Variants in KDM4B observed in about 807,000 individuals in gnomAD.
KDM4B encodes the protein lysine demethylase 4B.
In KDM4B, 32 loss-of-function variants were observed where a neutral mutation model predicts 125.2. That is an observed-to-expected ratio of 0.26 (90% CI 0.19 to 0.34). KDM4B has a LOEUF of 0.34. KDM4B is among the 10% of genes least tolerant of loss of function. The pLI, the probability that KDM4B is intolerant of heterozygous loss-of-function variation, is 1.00. For missense variants in KDM4B, 1,190 were observed against 1,577.7 expected, an observed-to-expected ratio of 0.75 and a Z score of 4.16; for synonymous variants, 721 against 677.9, an observed-to-expected ratio of 1.06 and a Z score of -0.99.
At chr19:5,122,784 A>G (rs2039384196) in intron 11 of KDM4B, among the ~76,000 whole-genome samples, 1 of 152,244 alleles carries the variant, frequency 6.6e-6, no homozygotes, top group African/African-American at 2.4e-5. Context: ...TAATGAGCCC[A>G]GCCTGCTCTG....
chr19:5,151,340 G>T lies in KDM4B; in HGVS notation c.3120G>T (p.Leu1040=). ...LPKRVRSRLS[L]STGAPQEPAF... ...GTGCTTCCGCTCTCCCGCAGTCACT[G>T]AGCACGGGGGCACCGCAGGAGCCCG... is the stretch of plus-strand genomic sequence containing the variant. The change falls in exon 23 of 23, where the codon CTG becomes CTT. Residue 1040 remains leucine, a synonymous_variant. Transcript: ENST00000159111. 1 of 1,554,842 alleles carries T rather than the reference G, an allele frequency of 6.4e-7. No homozygotes were observed.
intron 9 of KDM4B, among the ~76,000 whole-genome samples, chr19:5,087,061 C>T (rs1373594553): frequency 6.6e-6 from 1 of 152,258 alleles, no homozygotes; most frequent in Non-Finnish European, 1.5e-5. Context: ...CTCCCGTCTT[C>T]TGCAGAGCAG....
intron 6 of KDM4B, among the ~76,000 whole-genome samples, chr19:5,064,600 T>C (rs2037710533): frequency 6.6e-6 from 1 of 152,020 alleles, no homozygotes. Flanking sequence ...GCTACACGAA[T>C]CTTAAAAAAA....
chr19:5,137,140 G>GC (rs1314258331), intron 15 of KDM4B, 122 bp from the exon 16 acceptor site: 17 of 671,726 alleles, frequency 2.5e-5, no homozygotes, highest in Non-Finnish European at 1.6e-5. Flanking sequence ...GCGTGCGGAG[G>GC]CCTCGTCACT....
chr19:5,072,594 TCC>T (rs2037982313), intron 7 of KDM4B, among the ~76,000 whole-genome samples: 1 of 152,188 alleles, frequency 6.6e-6, no homozygotes, highest in Non-Finnish European at 1.5e-5. Context: ...AAAGCATTTC[TCC>T]CATTGTATGT....
At chr19:5,034,711 C>T (rs567047547) in intron 3 of KDM4B, among the ~76,000 whole-genome samples, 52 of 152,330 alleles carry the variant, frequency 3.4e-4, no homozygotes, top group Non-Finnish European at 6.2e-4. Context: ...TAGCCTTCGT[C>T]TCTCTCCTAG....
rs1174322862 is a variant in KDM4B at position 5,114,402 on chromosome 19, A to G, written c.1115+3584A>G. Reference sequence around the variant, plus strand: ...CCCTGCGCCAGTGCAGGACACCGCCACGCCTCTGGCCCCGACTCCTGCCAG... The same window carrying G: ...CCCTGCGCCAGTGCAGGACACCGCCGCGCCTCTGGCCCCGACTCCTGCCAG... On this transcript the variant is annotated intron_variant, in intron 10 of 22. Coordinates refer to ENST00000159111, the MANE Select transcript of KDM4B (RefSeq NM_015015.3). The surrounding 1 kb of genome is among the most constrained non-coding windows in gnomAD (Gnocchi z 5.8). 1 of 478,548 alleles carries G rather than the reference A, an allele frequency of 2.1e-6. No individual in the cohort carries two copies. Among genetic ancestry groups the G allele is most frequent in the East Asian group, 7.0e-5 (1 of 14,270 alleles). 29.6% of individuals were successfully genotyped at this position (478,548 alleles called of 1,614,324 possible).
intron 7 of KDM4B, chr19:5,075,029 GGA>G (rs1181592498): frequency 6.6e-6 from 1 of 152,400 alleles, no homozygotes; most frequent in African/African-American, 2.4e-5. Context: ...GGCGCAGCCG[GGA>G]GAGAGCCGGC....
intron 3 of KDM4B, among the ~76,000 whole-genome samples, chr19:5,033,377 A>G (rs761555093): frequency 6.6e-6 from 1 of 152,096 alleles, no homozygotes; most frequent in East Asian, 1.9e-4. Context: ...GACGCCTTCC[A>G]GGGGTGTTCA....
intron 6 of KDM4B, among the ~76,000 whole-genome samples, chr19:5,060,590 T>TC (rs1187680392): frequency 6.6e-6 from 1 of 151,922 alleles, no homozygotes; most frequent in East Asian, 1.9e-4. Flanking sequence ...CGGCAAGGGG[T>TC]CCCCACTGAG....
At position 5,144,053 on chromosome 19, in the gene KDM4B, C is replaced by T. The variant is rs2039792933; in HGVS notation, c.2637C>T (p.His879=). The change falls in exon 19 of 23, where the codon CAC becomes CAT. Residue 879 remains histidine, a synonymous_variant. Transcript: ENST00000159111. ...CSYEHCSTSF[H]VTCAHAAGVL... is the part of the protein sequence containing the mutation. ...ACGAGCACTGCTCCACGTCCTTCCA[C>T]GTGACCTGCGCCCACGCCGCAGGCG... is the stretch of plus-strand genomic sequence containing the variant. The T allele has an allele frequency of 6.2e-7, 1 of 1,606,768 alleles. No homozygotes were observed. The highest frequency in any genetic ancestry group is 8.5e-7 in the Non-Finnish European group (1 of 1,174,794).
intron 6 of KDM4B, among the ~76,000 whole-genome samples, chr19:5,068,935 G>A (rs1218906707): frequency 6.6e-6 from 1 of 152,194 alleles, no homozygotes; most frequent in Non-Finnish European, 1.5e-5. Context: ...CTGGGGATAC[G>A]GCATTAATCA....
intron 6 of KDM4B, among the ~76,000 whole-genome samples, chr19:5,048,478 C>G (rs952759416): frequency 6.6e-6 from 1 of 152,156 alleles, no homozygotes; most frequent in South Asian, 2.1e-4. Flanking sequence ...TTCCCGGGGC[C>G]GCGCTCATGC....
At chr19:5,041,986 T>A (rs1163638568) in intron 5 of KDM4B, among the ~76,000 whole-genome samples, 1 of 152,218 alleles carries the variant, frequency 6.6e-6, no homozygotes, top group Non-Finnish European at 1.5e-5. Flanking sequence ...CGGAGGATTC[T>A]GTTCAGGCTG....
Position 5,131,363 on chromosome 19 carries a change from C to T in KDM4B, c.1603C>T (p.Pro535Ser), listed in dbSNP as rs1309220927. The change falls in exon 12 of 23, where the codon CCG becomes TCG. Residue 535 changes from proline to serine, a missense_variant. Coordinates refer to ENST00000159111, the MANE Select transcript of KDM4B (RefSeq NM_015015.3). ...CCCCATGCTGTACGTGGTGCCGCGG[C>T]CGGGCAAGGCAGCCTTCAACCAGGA... Reference protein sequence around the residue: ...IIPMLYVVPRPGKAAFNQEHV... With the variant: ...IIPMLYVVPRSGKAAFNQEHV... 4 of 1,611,976 alleles carry T rather than the reference C, an allele frequency of 2.5e-6. No individual in the cohort carries two copies. The highest frequency in any genetic ancestry group is 1.1e-5 in the South Asian group (1 of 91,042).
At chr19:4,988,043 C>T (rs1159722728) in intron 1 of KDM4B, among the ~76,000 whole-genome samples, 3 of 152,170 alleles carry the variant, frequency 2.0e-5, no homozygotes, top group African/African-American at 7.2e-5. Context: ...TCAGTTTCTC[C>T]CAGGCTGTCA....
At position 5,057,333 on chromosome 19, in the gene KDM4B, G is replaced by A. The variant is rs142326621; in HGVS notation, c.626+9664G>A. 4.7e-3 allele frequency among the ~76,000 whole-genome samples: 710 copies of A among 152,282 alleles called. 6 individuals are homozygous for A. Among genetic ancestry groups the A allele is most frequent in the African/African-American group, 0.017 (686 of 41,562 alleles). On this transcript the variant is annotated intron_variant, in intron 6 of 22. Transcript: ENST00000159111. Reference sequence around the variant, plus strand: ...TCCTTGCGTTTCTGCTCAATGGTGTGTGTGTAAGATTCATCCGGTTGTGTG... The same window carrying A: ...TCCTTGCGTTTCTGCTCAATGGTGTATGTGTAAGATTCATCCGGTTGTGTG...
At chr19:5,147,890 C>A (rs979969902) in intron 21 of KDM4B, among the ~76,000 whole-genome samples, 2 of 152,178 alleles carry the variant, frequency 1.3e-5, no homozygotes, top group Non-Finnish European at 2.9e-5. Flanking sequence ...ACCTCGATCA[C>A]ACAATCATGC....
intron 9 of KDM4B, among the ~76,000 whole-genome samples, chr19:5,089,803 C>G (rs1050631607): frequency 6.6e-6 from 1 of 151,724 alleles, no homozygotes; most frequent in Non-Finnish European, 1.5e-5. Flanking sequence ...CTTGAGCAAG[C>G]ACCCCACAGT....
Sources: allele counts gnomAD v4.1 joint callset (sites outside exome capture counted in the v4.1 genomes callset), GRCh38; gene constraint gnomAD v4.1.1; non-coding constraint Gnocchi (gnomAD v3.1); transcripts MANE v1.5; gene names NCBI Gene and HGNC (gene_info 2026-07-23, HGNC 2026-07-21).